NPSR1: variants seen among roughly 807,000 people sequenced by gnomAD.
NPSR1 encodes neuropeptide S receptor 1.
A neutral mutation model predicts 46.9 loss-of-function variants in NPSR1; 48 were observed. The ratio of observed to expected loss-of-function variants is 1.02; its 90% confidence interval spans 0.81 to 1.30. The LOEUF is 1.30. NPSR1 is among the 50% of genes most tolerant of loss of function. The probability of loss-of-function intolerance (pLI) is 0.00; values close to 1 mark genes in which losing one functional copy is unlikely to be tolerated. For missense variants in NPSR1, 450 were observed against 449.5 expected, an observed-to-expected ratio of 1.00 and a Z score of -0.01; for synonymous variants, 176 against 168.1, an observed-to-expected ratio of 1.05 and a Z score of -0.36.
chr7:34,798,274 C>T (rs1370908817), intron 3 of NPSR1, among the ~76,000 whole-genome samples: 3 of 152,182 alleles, frequency 2.0e-5, no homozygotes, highest in Admixed American at 1.3e-4. Context: ...GTGGCCCATG[C>T]CTGTAATCCC....
chr7:34,667,002 T>C (rs1791785799), intron 1 of NPSR1, among the ~76,000 whole-genome samples: 3 of 152,340 alleles, frequency 2.0e-5, no homozygotes, highest in African/African-American at 7.2e-5. Context: ...TGTAATTTTA[T>C]GAAAAAATAC....
intron 2 of NPSR1, among the ~76,000 whole-genome samples, chr7:34,705,546 C>T (rs1305776061): frequency 6.6e-6 from 1 of 150,618 alleles, no homozygotes; most frequent in South Asian, 2.1e-4. Flanking sequence ...TTATTTGGTT[C>T]CTAAAGGCTC....
chr7:34,668,909 G>T (rs1042294443), intron 1 of NPSR1, among the ~76,000 whole-genome samples: 1 of 152,108 alleles, frequency 6.6e-6, no homozygotes. Context: ...CCTCCTGCTC[G>T]GAAAGGCAGG....
chr7:34,663,254 C>T (rs1791565639), intron 1 of NPSR1, among the ~76,000 whole-genome samples: 1 of 152,038 alleles, frequency 6.6e-6, no homozygotes, highest in Non-Finnish European at 1.5e-5. Context: ...CTGTGTCAGG[C>T]CCACATTGCT....
chr7:34,788,307 G>C (rs560066845), intron 3 of NPSR1, among the ~76,000 whole-genome samples: 4 of 150,812 alleles, frequency 2.7e-5, no homozygotes, highest in Non-Finnish European at 5.9e-5. Flanking sequence ...TACCATTAGA[G>C]AAAAGCATCA....
intron 8 of NPSR1, chr7:34,849,346 T>A: frequency 6.4e-7 from 1 of 1,551,178 alleles, no homozygotes; most frequent in Non-Finnish European, 8.7e-7. Context: ...GTCTACCTGT[T>A]GGCCTGTGAT....
At chr7:34,790,746 A>T (rs867094938) in intron 3 of NPSR1, among the ~76,000 whole-genome samples, 3,107 of 104,664 alleles carry the variant, frequency 0.03, 135 homozygotes, top group Non-Finnish European at 0.043. Flanking sequence ...TGTTATATAT[A>T]ATATATGTTA....
chr7:34,747,346 C>CCTATGCGAGTGTCTAGGCT (rs1785257877), intron 2 of NPSR1, among the ~76,000 whole-genome samples: 1 of 152,100 alleles, frequency 6.6e-6, no homozygotes, highest in African/African-American at 2.4e-5. Flanking sequence ...AGAAGAAATG[C>CCTATGCGAGTGTCTAGGCT]CTATGCGAGT....
chr7:34,750,890 A>C, intron 2 of NPSR1: 1 of 713,812 alleles, frequency 1.4e-6, no homozygotes, highest in East Asian at 3.0e-5. Flanking sequence ...ACTGCTTCAT[A>C]ATGGTGTGAA....
chr7:34,855,793 A>G (rs1791035768), intron 8 of NPSR1, among the ~76,000 whole-genome samples: 1 of 152,200 alleles, frequency 6.6e-6, no homozygotes, highest in African/African-American at 2.4e-5. Context: ...AAGTCCAGCA[A>G]AATATAACAA....
chr7:34,792,559 AC>A (rs2128744224), intron 3 of NPSR1, among the ~76,000 whole-genome samples: 1 of 115,338 alleles, frequency 8.7e-6, no homozygotes, highest in South Asian at 2.6e-4. Context: ...ATATATATGT[AC>A]ATATATATAT....
chr7:34,710,164 T>C (rs1217652622), intron 2 of NPSR1, among the ~76,000 whole-genome samples: 4 of 152,216 alleles, frequency 2.6e-5, no homozygotes, highest in Admixed American at 2.6e-4. Context: ...CTCAAATTGC[T>C]GTATCCAAAA....
At chr7:34,863,553 A>G (rs914952716) in intron 8 of NPSR1, among the ~76,000 whole-genome samples, 1 of 151,864 alleles carries the variant, frequency 6.6e-6, no homozygotes, top group Non-Finnish European at 1.5e-5. Context: ...ACCCCATCAA[A>G]AAGTGGGCAA....
chr7:34,832,475 CT>C (rs1229209139), intron 5 of NPSR1, among the ~76,000 whole-genome samples: 1 of 152,108 alleles, frequency 6.6e-6, no homozygotes, highest in African/African-American at 2.4e-5. Context: ...GATCCTGACA[CT>C]GTACTCCAGC....
intron 2 of NPSR1, among the ~76,000 whole-genome samples, chr7:34,692,909 G>A (rs971357051): frequency 6.6e-5 from 10 of 152,112 alleles, no homozygotes; most frequent in African/African-American, 1.7e-4. Flanking sequence ...AGACCAAATC[G>A]CATGTTGAAA....
At chr7:34,796,758 G>A (rs1788189327) in intron 3 of NPSR1, among the ~76,000 whole-genome samples, 1 of 152,178 alleles carries the variant, frequency 6.6e-6, no homozygotes, top group Non-Finnish European at 1.5e-5. Flanking sequence ...AGCCACTTCA[G>A]CGACAGTTTA....
intron 3 of NPSR1, among the ~76,000 whole-genome samples, chr7:34,795,965 A>G (rs976154217): frequency 2.6e-5 from 4 of 152,144 alleles, no homozygotes; most frequent in African/African-American, 9.7e-5. Context: ...AAGGTGAAGA[A>G]CAAATTTGAA....
intron 2 of NPSR1, among the ~76,000 whole-genome samples, chr7:34,758,886 T>G (rs1786018243): frequency 6.6e-6 from 1 of 152,220 alleles, no homozygotes; most frequent in African/African-American, 2.4e-5. Flanking sequence ...TTAGTGTTCT[T>G]TAACTTAGAA....
At chr7:34,695,240 G>T (rs2128692273) in intron 2 of NPSR1, among the ~76,000 whole-genome samples, 1 of 152,264 alleles carries the variant, frequency 6.6e-6, no homozygotes, top group African/African-American at 2.4e-5. Context: ...TCAATAAATG[G>T]TGCTGGGAAA....
Sources: gnomAD v4.1 joint callset for allele counts (sites outside exome capture counted in the v4.1 genomes callset) on GRCh38, gnomAD v4.1.1 for gene constraint, MANE v1.5 for transcripts, NCBI Gene and HGNC (gene_info 2026-07-23, HGNC 2026-07-21) for gene names.